TRAP1: variants seen among roughly 807,000 people sequenced by gnomAD.
The protein encoded by TRAP1 is heat shock protein 75 kDa, mitochondrial.
A neutral mutation model predicts 89.1 loss-of-function variants in TRAP1; 102 were observed. That is an observed-to-expected ratio of 1.15 (90% CI 0.98 to 1.35). The LOEUF is 1.35. Among genes scored for constraint, TRAP1 ranks in the 40% most tolerant of loss-of-function variants. The pLI, the probability that TRAP1 is intolerant of heterozygous loss-of-function variation, is 0.00. For missense variants in TRAP1, 1,256 were observed against 945.3 expected (o/e 1.33, Z -4.31); for synonymous variants, 508 against 388.0 (o/e 1.31, Z -3.64).
intron 1 of TRAP1, among the ~76,000 whole-genome samples, chr16:3,710,931 C>T (rs1219639198): frequency 2.1e-5 from 3 of 142,674 alleles, no homozygotes; most frequent in Non-Finnish European, 4.5e-5. Flanking sequence ...AGTGCAGTGG[C>T]GTGATCACAG....
chr16:3,697,582 T>C (rs1038002204), intron 1 of TRAP1, among the ~76,000 whole-genome samples: 1 of 147,942 alleles, frequency 6.8e-6, no homozygotes, highest in African/African-American at 2.5e-5. Flanking sequence ...GAGAATGGCA[T>C]GAACCCGGGA....
At chr16:3,670,284 G>A (rs2050894181) in intron 11 of TRAP1, among the ~76,000 whole-genome samples, 1 of 147,846 alleles carries the variant, frequency 6.8e-6, no homozygotes, top group South Asian at 2.1e-4. Context: ...ACGGGAGGCT[G>A]AGACAGGAGA....
At chr16:3,710,828 C>A (rs987005122) in intron 1 of TRAP1, among the ~76,000 whole-genome samples, 4 of 149,806 alleles carry the variant, frequency 2.7e-5, no homozygotes, top group African/African-American at 9.9e-5. Context: ...TTAGCTATCT[C>A]AAAATTAATT....
chr16:3,664,472 G>T lies in TRAP1; in HGVS notation c.1384-13C>A. The T allele has an allele frequency of 6.2e-7, 1 of 1,602,458 alleles. No homozygotes were observed. The highest frequency in any genetic ancestry group is 1.1e-5 in the South Asian group (1 of 89,466). On this transcript the variant is annotated splice_polypyrimidine_tract_variant and intron_variant, in intron 12 of 17. Transcript: ENST00000246957. ...TTGCTATGTCCTCCTAGAAGGGACG[G>T]GGCAGGTCACCACTTATTCCAGGCC...
At chr16:3,672,658 C>T (rs747494721) in intron 10 of TRAP1, 42 bp downstream of exon 10, 9 of 1,581,294 alleles carry the variant, frequency 5.7e-6, no homozygotes, top group Non-Finnish European at 6.0e-6. Flanking sequence ...GCGGGCGACA[C>T]TGGGCCACGG....
chr16:3,682,404 A>G (rs944397071), intron 4 of TRAP1, among the ~76,000 whole-genome samples: 71 of 151,518 alleles, frequency 4.7e-4, no homozygotes, highest in African/African-American at 1.7e-3. Context: ...AAAAAAAAAA[A>G]AATTTCTCGC....
rs8047251 is a variant in TRAP1, at chr16:3,658,566, G to A, written c.2013+227C>T. ...CGCATGCCTGTAGTCCCAGCTACTC[G>A]GGAGGCTGAGGCAGGGGAATTGCTT... is the stretch of plus-strand genomic sequence containing the variant. On this transcript the variant is annotated intron_variant, in intron 17 of 17. Transcript: ENST00000246957. 0.39 allele frequency: 223,015 copies of A among 577,106 alleles called. 48,353 individuals are homozygous for A. Among genetic ancestry groups the A allele is most frequent in the African/African-American group, 0.74 (39,751 of 53,422 alleles). 35.7% of individuals were successfully genotyped at this position (577,106 alleles called of 1,614,324 possible).
chr16:3,695,003 T>G (rs926513146), intron 1 of TRAP1, among the ~76,000 whole-genome samples: 1 of 152,022 alleles, frequency 6.6e-6, no homozygotes, highest in African/African-American at 2.4e-5. Context: ...TTGTGGGTGG[T>G]CATCTTCTCC....
rs1466064758 is a variant in TRAP1, at chr16:3,665,842, T to TGGC, written c.1383+126_1383+128dup. The stretch of plus-strand genomic sequence containing the variant: ...CTGGCCTTCCATTTCCTGACCCTGG[T>TGGC]GGCAGCAGCAGCAGCAGCCAGGGTA... On this transcript the variant is annotated intron_variant, in intron 12 of 17. Transcript: ENST00000246957. 5.8e-6 allele frequency: 7 copies of TGGC among 1,202,196 alleles called. No individual in the cohort carries two copies. In the Middle Eastern group the frequency reaches 8.5e-4, roughly 147 times the overall value. The allele number at this position is 1,202,196 out of a possible 1,614,324, so 74.5% of individuals were successfully genotyped here. A position where few individuals can be genotyped will look rare whatever the true frequency, so the allele number is the denominator to read the frequency against.
At chr16:3,716,251 G>C (rs555711440) in intron 1 of TRAP1, among the ~76,000 whole-genome samples, 2 of 152,254 alleles carry the variant, frequency 1.3e-5, no homozygotes, top group South Asian at 4.1e-4. Flanking sequence ...CTGCTAAAGG[G>C]GATATAAATT....
intron 1 of TRAP1, among the ~76,000 whole-genome samples, chr16:3,697,783 T>C (rs955558806): frequency 2.6e-5 from 4 of 151,764 alleles, no homozygotes; most frequent in African/African-American, 9.7e-5. Context: ...CCAATTAATA[T>C]GCAGAATTTT....
chr16:3,692,595 C>CTTTTTTT (rs202237111), intron 1 of TRAP1, among the ~76,000 whole-genome samples: 1 of 105,194 alleles, frequency 9.5e-6, no homozygotes. Context: ...AAAAACTTGC[C>CTTTTTTT]TTTTTTTTTT....
chr16:3,661,870 C>T, intron 16 of TRAP1, 117 bp downstream of exon 16: 1 of 1,324,818 alleles, frequency 7.5e-7, no homozygotes. Context: ...TATAGTTACC[C>T]ACATGTCCAC....
At chr16:3,679,661 G>A (rs958332243) in intron 5 of TRAP1, 58 bp downstream of exon 5, 22 of 1,582,196 alleles carry the variant, frequency 1.4e-5, no homozygotes, top group African/African-American at 2.7e-5. Context: ...CACCCCTACT[G>A]GAGGGATCCT....
At chr16:3,669,272 A>G (rs577425801) in intron 11 of TRAP1, among the ~76,000 whole-genome samples, 1 of 152,222 alleles carries the variant, frequency 6.6e-6, no homozygotes, top group South Asian at 2.1e-4. Flanking sequence ...GACTCTAACG[A>G]CCACAGAACA....
chr16:3,661,715 C>T (rs1049142585), intron 16 of TRAP1: 13 of 383,970 alleles, frequency 3.4e-5, no homozygotes, highest in Admixed American at 1.4e-4. Context: ...GTCCAGGACA[C>T]GCACAGGTGG....
chr16:3,664,921 G>A (rs2050794168), intron 12 of TRAP1: 1 of 158,760 alleles, frequency 6.3e-6, no homozygotes, highest in Non-Finnish European at 1.4e-5. Context: ...AGGGCCCTTA[G>A]GGGAGGGGTT....
intron 16 of TRAP1, 35 bp downstream of exon 16, chr16:3,661,951 TC>T: frequency 6.4e-7 from 1 of 1,558,942 alleles, no homozygotes; most frequent in Non-Finnish European, 8.7e-7. Context: ...TTCTGGGGAA[TC>T]CCACAGGCTG....
At chr16:3,704,313 G>A (rs574103247) in intron 1 of TRAP1, 3 of 152,106 alleles carry the variant, frequency 2.0e-5, no homozygotes, top group South Asian at 2.1e-4. Context: ...CTCTGCACTC[G>A]AGCCTAGGCG....
Sources: gnomAD v4.1 joint callset for allele counts (sites outside exome capture counted in the v4.1 genomes callset) on GRCh38, gnomAD v4.1.1 for gene constraint, MANE v1.5 for transcripts, NCBI Gene and HGNC (gene_info 2026-07-23, HGNC 2026-07-21) for gene names.